MAML3: variants seen among roughly 807,000 people sequenced by gnomAD.
The protein encoded by MAML3 is mastermind-like protein 3.
A neutral mutation model predicts 101.9 loss-of-function variants in MAML3; 27 were observed. The ratio of observed to expected loss-of-function variants is 0.27; its 90% CI spans 0.20 to 0.37. MAML3 has a LOEUF of 0.37. Ranked by LOEUF, MAML3 falls within the 10% of genes least tolerant of loss-of-function variation. MAML3 has a pLI of 1.00. For synonymous variants in MAML3, 501 were observed against 555.9 expected (o/e 0.90, Z 1.39); for missense variants, 1,316 against 1,444.9 (o/e 0.91, Z 1.45).
intron 2 of MAML3, among the ~76,000 whole-genome samples, chr4:139,877,268 T>C (rs144307239): frequency 9.2e-5 from 14 of 151,908 alleles, no homozygotes; most frequent in Non-Finnish European, 1.9e-4. Flanking sequence ...ATAAAGAGGA[T>C]GAATTCTAGA....
chr4:140,146,997 G>A (rs1179393920), intron 1 of MAML3, among the ~76,000 whole-genome samples: 2 of 151,974 alleles, frequency 1.3e-5, no homozygotes, highest in Non-Finnish European at 2.9e-5. Context: ...GCCAGGCGTG[G>A]TGGTACATGC....
intron 1 of MAML3, among the ~76,000 whole-genome samples, chr4:140,047,385 G>A (rs1312407813): frequency 6.6e-6 from 1 of 152,160 alleles, no homozygotes; most frequent in South Asian, 2.1e-4. Flanking sequence ...ACACCAGGAA[G>A]AAGAGAAGCA....
chr4:140,048,766 T>C (rs566144946), intron 1 of MAML3, among the ~76,000 whole-genome samples: 1 of 152,226 alleles, frequency 6.6e-6, no homozygotes, highest in Non-Finnish European at 1.5e-5. Flanking sequence ...ACGAGTTTTT[T>C]AAAATCCCCT....
intron 1 of MAML3, among the ~76,000 whole-genome samples, chr4:140,013,887 A>G (rs759373213): frequency 2.0e-4 from 31 of 152,220 alleles, no homozygotes; most frequent in Non-Finnish European, 2.9e-5. Flanking sequence ...GATACTCAGC[A>G]AAGGTATATA....
rs148920204 is a variant in MAML3, at chr4:139,918,296, C to T, written c.469-27329G>A. Among the ~76,000 whole-genome samples the T allele has an allele frequency of 2.0e-5, 3 of 152,340 alleles. No individual in the cohort carries two copies. The East Asian group carries it at 5.8e-4, about 29-fold the overall frequency. Reference sequence around the variant, plus strand: ...ACTTGCCTAAGAGGCGCTGGATGGTCTGGTGTCTCCCAGCTCCTTCATACC... The same window carrying T: ...ACTTGCCTAAGAGGCGCTGGATGGTTTGGTGTCTCCCAGCTCCTTCATACC... On this transcript the variant is annotated intron_variant, in intron 1 of 4. Coordinates refer to ENST00000509479, the MANE Select transcript of MAML3 (RefSeq NM_018717.5).
intron 1 of MAML3, among the ~76,000 whole-genome samples, chr4:139,967,469 G>GACACACACACACACACACACACAC (rs4057112): frequency 7.1e-6 from 1 of 141,464 alleles, no homozygotes; most frequent in Non-Finnish European, 1.5e-5. Flanking sequence ...CTTTTTAAGG[G>GACACACACACACACACACACACAC]ACACACACAC....
intron 1 of MAML3, among the ~76,000 whole-genome samples, chr4:139,975,987 T>A (rs539662898): frequency 6.6e-6 from 1 of 152,368 alleles, no homozygotes; most frequent in East Asian, 1.9e-4. Flanking sequence ...TGCATAGTTT[T>A]ATAAACAAAT....
intron 1 of MAML3, among the ~76,000 whole-genome samples, chr4:140,063,325 G>A (rs1727478308): frequency 6.6e-6 from 1 of 152,172 alleles, no homozygotes; most frequent in Admixed American, 6.5e-5. Flanking sequence ...CTCAAGAGGA[G>A]GACAGGACTG....
chr4:139,839,653 C>T (rs1731326564), intron 2 of MAML3, among the ~76,000 whole-genome samples: 1 of 152,136 alleles, frequency 6.6e-6, no homozygotes, highest in Non-Finnish European at 1.5e-5. Flanking sequence ...ACAGCCAAGC[C>T]AGCCAAACTG....
At chr4:140,088,748 G>A (rs781588097) in intron 1 of MAML3, among the ~76,000 whole-genome samples, 1 of 152,092 alleles carries the variant, frequency 6.6e-6, no homozygotes, top group Non-Finnish European at 1.5e-5. Context: ...GAATGTGAGT[G>A]TGCTTATCAT....
Position 139,990,701 on chromosome 4 carries a change from AG to A in MAML3, c.469-99735del, listed in dbSNP as rs565964891. On this transcript the variant is annotated intron_variant, in intron 1 of 4. Transcript: ENST00000509479. ...TTAAGCTGATAAGCAACTTCAGCAAAGTCTCAGGATACAAAATCAATGTACA... is the reference window on the plus strand; with the variant it reads ...TTAAGCTGATAAGCAACTTCAGCAAATCTCAGGATACAAAATCAATGTACA... Among the ~76,000 whole-genome samples the A allele has an allele frequency of 1.6e-3, 239 of 152,196 alleles. No individual in the cohort carries two copies. In the Middle Eastern group the frequency reaches 0.017, roughly 11 times the overall value.
At chr4:140,010,824 C>T (rs1726539158) in intron 1 of MAML3, among the ~76,000 whole-genome samples, 1 of 151,926 alleles carries the variant, frequency 6.6e-6, no homozygotes, top group African/African-American at 2.4e-5. Flanking sequence ...TACATGAGGC[C>T]AGCCGCAGTG....
At chr4:139,748,320 C>T (rs1729390690) in intron 2 of MAML3, among the ~76,000 whole-genome samples, 1 of 152,108 alleles carries the variant, frequency 6.6e-6, no homozygotes, top group African/African-American at 2.4e-5. Context: ...CTATCACTTT[C>T]CTTTCAGGGG....
In MAML3 at chr4:139,719,161, G is replaced by T; in HGVS notation, c.*162C>A. 1 of 728,478 alleles carries T rather than the reference G, an allele frequency of 1.4e-6. No individual in the cohort carries two copies. The highest frequency in any genetic ancestry group is 2.2e-6 in the Non-Finnish European group (1 of 461,580). 45.1% of individuals were successfully genotyped at this position (728,478 alleles called of 1,614,324 possible). ...AATCAGGTGAAATGAGGCCTGGTGG[G>T]GCTGTGGATTGGCACCTGGATCTTC... is the stretch of plus-strand genomic sequence containing the variant. On this transcript the variant is annotated 3_prime_UTR_variant, in exon 5 of 5. Transcript: ENST00000509479.
At chr4:140,117,535 G>T (rs1405202778) in intron 1 of MAML3, among the ~76,000 whole-genome samples, 4 of 151,884 alleles carry the variant, frequency 2.6e-5, no homozygotes, top group Admixed American at 6.6e-5. Context: ...TTTTTATACT[G>T]CAAAATATTG....
intron 1 of MAML3, among the ~76,000 whole-genome samples, chr4:140,151,298 AGG>A (rs1322375510): frequency 6.8e-6 from 1 of 146,378 alleles, no homozygotes; most frequent in Non-Finnish European, 1.5e-5. Flanking sequence ...GGGAGGGAGG[AGG>A]GGTTGAGCGC....
intron 1 of MAML3, among the ~76,000 whole-genome samples, chr4:140,112,315 TG>T (rs1418709027): frequency 1.3e-5 from 2 of 152,174 alleles, no homozygotes; most frequent in African/African-American, 4.8e-5. Flanking sequence ...TTCAGGCCCA[TG>T]TTGTACTTTC....
rs868283633 is a variant in MAML3 at position 140,153,063 on chromosome 4, C to T, written c.265G>A (p.Val89Ile). The T allele has an allele frequency of 1.9e-6, 3 of 1,570,208 alleles. No individual in the cohort carries two copies. Among genetic ancestry groups the T allele is most frequent in the Non-Finnish European group, 1.7e-6 (2 of 1,157,454 alleles). Residue 89 changes from valine (V) to isoleucine (I), a missense_variant, in exon 1 of 5, where the codon GTC becomes ATC. By Grantham distance (29) the Val-to-Ile change is conservative (BLOSUM62 3). Coordinates refer to ENST00000509479, the MANE Select transcript of MAML3 (RefSeq NM_018717.5). ...QRIEGCRRHH[V>I]NCENRYQQAQ... ...TGCTGGTACCTGTTCTCGCAGTTGACGTGGTGCCGACGGCAGCCCTCGATG... is the reference window on the plus strand; with the variant it reads ...TGCTGGTACCTGTTCTCGCAGTTGATGTGGTGCCGACGGCAGCCCTCGATG...
intron 2 of MAML3, among the ~76,000 whole-genome samples, chr4:139,772,122 T>C (rs866346484): frequency 2.7e-4 from 40 of 148,918 alleles, no homozygotes; most frequent in Admixed American, 4.7e-4. Context: ...TGCCTGTAGT[T>C]CCAGCTACTG....
Sources: gnomAD v4.1 joint callset for allele counts (sites outside exome capture counted in the v4.1 genomes callset) on GRCh38, gnomAD v4.1.1 for gene constraint, MANE v1.5 for transcripts, NCBI Gene and HGNC (gene_info 2026-07-23, HGNC 2026-07-21) for gene names.